Variants in AOAH observed in about 807,000 individuals in gnomAD.
The protein encoded by AOAH is acyloxyacyl hydrolase (neutrophil).
A neutral mutation model predicts 92.2 loss-of-function variants in AOAH; 64 were observed. The observed-to-expected ratio is 0.69, with a 90% confidence interval of 0.57 to 0.86. AOAH has a LOEUF of 0.86. AOAH is among the 40% of genes least tolerant of loss of function. The pLI is 0.00. For synonymous variants in AOAH, 263 were observed against 254.5 expected, an observed-to-expected ratio of 1.03 and a Z score of -0.32; for missense variants, 656 against 694.6, an observed-to-expected ratio of 0.94 and a Z score of 0.62.
At chr7:36,718,976 G>A (rs1304668533) in intron 1 of AOAH, among the ~76,000 whole-genome samples, 1 of 151,998 alleles carries the variant, frequency 6.6e-6, no homozygotes, top group Non-Finnish European at 1.5e-5. Flanking sequence ...AAAACAATAT[G>A]GGAAAAATAT....
chr7:36,549,145 A>T (rs1473736411), intron 14 of AOAH, among the ~76,000 whole-genome samples: 1 of 152,328 alleles, frequency 6.6e-6, no homozygotes, highest in Middle Eastern at 3.4e-3. Flanking sequence ...CAAGCCCCAA[A>T]TAAGCATAAA....
rs570803093 is a variant in AOAH, at chr7:36,659,726, T to TC, written c.291-462dup. Among the ~76,000 whole-genome samples the TC allele has an allele frequency of 8.4e-4, 127 of 151,872 alleles. 1 individual carries two copies. The highest frequency in any genetic ancestry group is 3.0e-3 in the African/African-American group (123 of 41,396). On this transcript the variant is annotated intron_variant, in intron 3 of 20. Coordinates refer to ENST00000617537, the MANE Select transcript of AOAH (RefSeq NM_001637.4). ...GCACAATCCAAACAATCTATTCTAT[T>TC]CCCTTATAAACATATTTCTTTTTTC...
intron 13 of AOAH, among the ~76,000 whole-genome samples, chr7:36,554,605 C>T (rs914577420): frequency 1.3e-5 from 2 of 152,190 alleles, no homozygotes; most frequent in Non-Finnish European, 2.9e-5. Context: ...ATTGATTCTT[C>T]CTACCCATGA....
chr7:36,574,135 A>C (rs1239244234), intron 13 of AOAH, among the ~76,000 whole-genome samples: 2 of 152,238 alleles, frequency 1.3e-5, no homozygotes, highest in Non-Finnish European at 2.9e-5. Context: ...GTAACTGAGA[A>C]ACTAAAAAAA....
chr7:36,684,106 A>C (rs1238027799), intron 2 of AOAH, among the ~76,000 whole-genome samples: 1 of 152,112 alleles, frequency 6.6e-6, no homozygotes, highest in Non-Finnish European at 1.5e-5. Flanking sequence ...CTTTTAAGAG[A>C]AATGACTGAT....
At chr7:36,708,747 C>A (rs577242299) in intron 1 of AOAH, among the ~76,000 whole-genome samples, 1 of 151,856 alleles carries the variant, frequency 6.6e-6, no homozygotes, top group Non-Finnish European at 1.5e-5. Flanking sequence ...ATCTGTTTAC[C>A]CCGGAATGTA....
chr7:36,691,166 T>C (rs10251447), intron 1 of AOAH, among the ~76,000 whole-genome samples: 2,076 of 152,288 alleles, frequency 0.014, 56 homozygotes, highest in African/African-American at 0.047. Flanking sequence ...TTTGCATATA[T>C]TATTATCTCA....
chr7:36,524,465 T>A (rs547487801), intron 19 of AOAH, among the ~76,000 whole-genome samples: 3 of 146,448 alleles, frequency 2.0e-5, no homozygotes, highest in Non-Finnish European at 4.5e-5. Context: ...GCCAACATAG[T>A]GAAACCCCGT....
intron 15 of AOAH, among the ~76,000 whole-genome samples, chr7:36,546,411 TA>T (rs1160652904): frequency 2.0e-5 from 3 of 152,242 alleles, no homozygotes; most frequent in African/African-American, 7.2e-5. Context: ...TTTATTTTTT[TA>T]ACCCCTCCAC....
At chr7:36,701,401 G>C (rs1391454097) in intron 1 of AOAH, among the ~76,000 whole-genome samples, 1 of 151,258 alleles carries the variant, frequency 6.6e-6, no homozygotes, top group African/African-American at 2.4e-5. Flanking sequence ...CTGTTGCATT[G>C]CCTGGTTTTC....
intron 12 of AOAH, among the ~76,000 whole-genome samples, chr7:36,591,817 A>C (rs749194381): frequency 2.6e-5 from 4 of 152,120 alleles, no homozygotes; most frequent in Admixed American, 6.6e-5. Context: ...AGTTTTGGGG[A>C]AGTTTAGATT....
At chr7:36,628,658 A>G (rs998816253) in intron 6 of AOAH, among the ~76,000 whole-genome samples, 1 of 152,194 alleles carries the variant, frequency 6.6e-6, no homozygotes, top group Admixed American at 6.5e-5. Flanking sequence ...GTAACCTGGG[A>G]GCTGGAACGC....
At chr7:36,569,890 G>A (rs1788012990) in intron 13 of AOAH, among the ~76,000 whole-genome samples, 1 of 152,014 alleles carries the variant, frequency 6.6e-6, no homozygotes, top group Non-Finnish European at 1.5e-5. Flanking sequence ...TGGGATTATA[G>A]GCGTGAACCA....
chr7:36,710,925 T>C (rs1228974863), intron 1 of AOAH, among the ~76,000 whole-genome samples: 1 of 152,154 alleles, frequency 6.6e-6, no homozygotes, highest in East Asian at 1.9e-4. Context: ...GCTGTTCGCA[T>C]CACCCTGTGT....
intron 9 of AOAH, 58 bp from the exon 10 acceptor site, chr7:36,618,403 A>G: frequency 1.3e-6 from 2 of 1,500,744 alleles, no homozygotes; most frequent in South Asian, 1.1e-5. Context: ...AGATACATAT[A>G]CTAAAGCTCT....
At chr7:36,667,491 T>A (rs192620236) in intron 3 of AOAH, among the ~76,000 whole-genome samples, 1 of 152,342 alleles carries the variant, frequency 6.6e-6, no homozygotes, top group Admixed American at 6.5e-5. Flanking sequence ...TATGGGTGTA[T>A]AGGAAAAAAC....
At chr7:36,588,530 A>G (rs1296860346) in intron 12 of AOAH, among the ~76,000 whole-genome samples, 1 of 152,276 alleles carries the variant, frequency 6.6e-6, no homozygotes, top group Admixed American at 6.5e-5. Context: ...TAATTTGCGA[A>G]TAATGGATTT....
chr7:36,667,117 C>A (rs1795594055), intron 3 of AOAH, among the ~76,000 whole-genome samples: 1 of 152,160 alleles, frequency 6.6e-6, no homozygotes, highest in South Asian at 2.1e-4. Context: ...GTAGTCCCCC[C>A]TTATCTGAAG....
rs1305126111 is a variant in AOAH, at chr7:36,713,305, C to T, written c.127+10717G>A. ...ATCCTAAATATATATGCACCCAATA[C>T]AGGAGCACCCAGATTCATAAAGCAA... is the stretch of plus-strand genomic sequence containing the variant. On this transcript the variant is annotated intron_variant, in intron 1 of 20. Transcript: ENST00000617537. 3.1e-5 allele frequency among the ~76,000 whole-genome samples: 3 copies of T among 96,726 alleles called. No individual in the cohort carries two copies. The East Asian group carries it at 1.9e-3, about 62-fold the overall frequency. 63.5% of individuals were successfully genotyped at this position (96,726 alleles called of 152,430 possible).
Sources: gnomAD v4.1 joint callset for allele counts (sites outside exome capture counted in the v4.1 genomes callset) on GRCh38, gnomAD v4.1.1 for gene constraint, MANE v1.5 for transcripts, NCBI Gene and HGNC (gene_info 2026-07-23, HGNC 2026-07-21) for gene names.